MICAL3: variants seen among roughly 807,000 people sequenced by gnomAD.
MICAL3 encodes microtubule associated monooxygenase, calponin and LIM domain containing 3.
In MICAL3, 62 loss-of-function variants were observed where a neutral mutation model predicts 207.4. The ratio of observed to expected loss-of-function variants is 0.30; its 90% confidence interval spans 0.24 to 0.37. The LOEUF (loss-of-function observed/expected upper bound fraction) is 0.37. MICAL3 is among the 10% of genes least tolerant of loss of function. The pLI is 1.00. For missense variants in MICAL3, 2,368 were observed against 2,635.6 expected, an observed-to-expected ratio of 0.90 and a Z score of 2.22; for synonymous variants, 1,077 against 1,069.3, an observed-to-expected ratio of 1.01 and a Z score of -0.14.
At chr22:17,870,881 C>G (rs2146163516) in intron 17 of MICAL3, among the ~76,000 whole-genome samples, 1 of 152,328 alleles carries the variant, frequency 6.6e-6, no homozygotes, top group Middle Eastern at 3.4e-3. Flanking sequence ...TTCCTTGCTC[C>G]TTCTAACAGA....
At chr22:17,990,145 G>A (rs1286568982) in intron 1 of MICAL3, among the ~76,000 whole-genome samples, 2 of 152,224 alleles carry the variant, frequency 1.3e-5, no homozygotes, top group Non-Finnish European at 1.5e-5. Flanking sequence ...GGGATCAGGA[G>A]TGAGCTAGAG....
At position 17,885,916 on chromosome 22, in the gene MICAL3, C is replaced by T; in HGVS notation, c.2203G>A (p.Glu735Lys). The T allele has an allele frequency of 1.2e-6, 2 of 1,614,026 alleles. No homozygotes were observed. The highest frequency in any genetic ancestry group is 1.7e-6 in the Non-Finnish European group (2 of 1,179,906). The change falls in exon 16 of 32, where the codon GAG becomes AAG. Residue 735 changes from glutamate to lysine, a missense_variant. Coordinates refer to ENST00000441493, the MANE Select transcript of MICAL3 (RefSeq NM_015241.3). The stretch of plus-strand genomic sequence containing the variant: ...CCGATGGACTGTGCGGGCGCATTCT[C>T]TTCAAATTTGGCCAGCAGCTGGGTC... The part of the protein sequence containing the change: ...MATQLLAKFE[E>K]NAPAQSIGIR...
intron 20 of MICAL3, among the ~76,000 whole-genome samples, chr22:17,838,521 C>T (rs1453338614): frequency 1.3e-5 from 2 of 152,164 alleles, no homozygotes; most frequent in Admixed American, 1.3e-4. Context: ...GTGCTTTATA[C>T]GACTTAATCC....
rs376494671 is a variant in MICAL3, at chr22:17,841,849, G to A, written c.2774C>T (p.Thr925Met). The A allele has an allele frequency of 2.7e-5, 42 of 1,560,662 alleles. No homozygotes were observed. In the Middle Eastern group the frequency reaches 3.4e-3, roughly 126 times the overall value. Residue 925 changes from threonine to methionine, a missense_variant, in exon 20 of 32, where the codon ACG becomes ATG. Coordinates refer to ENST00000441493, the MANE Select transcript of MICAL3 (RefSeq NM_015241.3). The surrounding 1 kb of genome is among the most constrained non-coding windows in gnomAD (Gnocchi z 4.2). ...GCTGGCGACGTCCTCCTCGGCGCCC[G>A]TGTCCAGCACGCTGCTCAGGTTGTG... ...AEHNLSSVLD[T>M]GAEEDVASSS...
chr22:17,860,684 C>T (rs1926426320), intron 19 of MICAL3: 1 of 985,338 alleles, frequency 1.0e-6, no homozygotes, highest in South Asian at 4.7e-5. Flanking sequence ...GCCCGGCTCT[C>T]CGTGGTGTCC....
At chr22:18,002,413 T>C (rs1923097718) in intron 1 of MICAL3, among the ~76,000 whole-genome samples, 1 of 151,742 alleles carries the variant, frequency 6.6e-6, no homozygotes, top group Non-Finnish European at 1.5e-5. Context: ...GGCGAGCAGA[T>C]CACAAGGTCA....
intron 1 of MICAL3, among the ~76,000 whole-genome samples, chr22:18,020,913 CAAATAAATAAATAAAT>C (rs200685200): frequency 0.054 from 7,274 of 134,228 alleles, 211 homozygotes; most frequent in African/African-American, 0.076. Flanking sequence ...GACCCTGTCT[CAAATAAATAAATAAAT>C]AAATAAATAA....
In MICAL3 at chr22:17,950,172, T is replaced by G. The variant is rs12484440; in HGVS notation, c.-74-43286A>C. Among the ~76,000 whole-genome samples the G allele has an allele frequency of 4.9e-3, 749 of 151,628 alleles. 18 individuals carry two copies. Among genetic ancestry groups the G allele is most frequent in the East Asian group, 0.043 (223 of 5,150 alleles). ...TCACAGGGTACAGCTGTCTATTTTT[T>G]TTTTTGGAGACAAGAGTCTCGCTCT... is the stretch of plus-strand genomic sequence containing the variant. On this transcript the variant is annotated intron_variant, in intron 1 of 31. Coordinates refer to ENST00000441493, the MANE Select transcript of MICAL3 (RefSeq NM_015241.3).
chr22:17,861,990 G>T (rs1182335486), intron 19 of MICAL3: 1 of 985,276 alleles, frequency 1.0e-6, no homozygotes, highest in African/African-American at 1.7e-5. Context: ...GAACATAAAG[G>T]AGAAGAGAGA....
At chr22:17,904,051 A>C (rs1404668351) in intron 3 of MICAL3, among the ~76,000 whole-genome samples, 1 of 152,228 alleles carries the variant, frequency 6.6e-6, no homozygotes, top group East Asian at 1.9e-4. Flanking sequence ...CTTAGAGGTG[A>C]CAAAAGAACA....
chr22:17,805,274 A>T (rs11913358), intron 29 of MICAL3, among the ~76,000 whole-genome samples: 1 of 152,254 alleles, frequency 6.6e-6, no homozygotes, highest in African/African-American at 2.4e-5. Flanking sequence ...AACGGGACGC[A>T]GAAGCAGGAG....
intron 1 of MICAL3, among the ~76,000 whole-genome samples, chr22:17,936,611 A>G (rs1400395892): frequency 6.6e-6 from 1 of 151,554 alleles, no homozygotes; most frequent in Non-Finnish European, 1.5e-5. Context: ...AGATAACAGA[A>G]AGAGTTTATA....
intron 21 of MICAL3, 112 bp downstream of exon 21, chr22:17,831,742 G>A (rs1165964121): frequency 1.4e-5 from 20 of 1,474,768 alleles, no homozygotes; most frequent in Non-Finnish European, 1.7e-5. Context: ...TCCCTGGGCT[G>A]TGCAGGAGGC....
rs1933968995 is a variant in MICAL3 at position 17,944,586 on chromosome 22, A to G, written c.-74-37700T>C. ...CATTCCATGCAAAGTTTCGGTGTGC[A>G]GGCCTCCTGAGAACCCAGCAGTGCC... is the stretch of plus-strand genomic sequence containing the variant. On this transcript the variant is annotated intron_variant, in intron 1 of 31. Coordinates refer to ENST00000441493, the MANE Select transcript of MICAL3 (RefSeq NM_015241.3). Among the ~76,000 whole-genome samples the G allele has an allele frequency of 2.0e-5, 3 of 152,300 alleles. No homozygotes were observed. The South Asian group carries it at 6.2e-4, about 32-fold the overall frequency.
intron 21 of MICAL3, among the ~76,000 whole-genome samples, chr22:17,829,283 C>T (rs572445507): frequency 5.9e-5 from 9 of 152,156 alleles, no homozygotes; most frequent in African/African-American, 2.2e-4. Context: ...TCTCCTGCCT[C>T]AGCCTCCCAA....
chr22:17,966,122 C>T (rs1935129338), intron 1 of MICAL3, among the ~76,000 whole-genome samples: 1 of 152,178 alleles, frequency 6.6e-6, no homozygotes. Context: ...TCAGACAGAA[C>T]CCTCATCCTG....
chr22:17,827,589 G>A, intron 22 of MICAL3, 55 bp downstream of exon 22: 1 of 1,494,936 alleles, frequency 6.7e-7, no homozygotes, highest in Non-Finnish European at 9.0e-7. Flanking sequence ...GGCGACAGAG[G>A]CAGCAGGCGG....
chr22:17,803,076 AC>A (rs2061955939), intron 29 of MICAL3, among the ~76,000 whole-genome samples: 1 of 152,174 alleles, frequency 6.6e-6, no homozygotes, highest in Non-Finnish European at 1.5e-5. Context: ...ACCAGGCCTC[AC>A]CCCAGAGTTT....
chr22:17,865,490 G>A lies in MICAL3; in HGVS notation c.2517+434C>T, dbSNP rs370561537. 1.8e-4 allele frequency among the ~76,000 whole-genome samples: 28 copies of A among 152,328 alleles called. No individual in the cohort carries two copies. The East Asian group carries it at 2.9e-3, about 16-fold the overall frequency. ...TAGTGAAAGGCCCCGCAGGCAGGGC[G>A]CCCTTTGGGTGTGGGGAGTGAGGGT... On this transcript the variant is annotated intron_variant, in intron 18 of 31. Coordinates refer to ENST00000441493, the MANE Select transcript of MICAL3 (RefSeq NM_015241.3).
Sources: gnomAD v4.1 joint callset for allele counts (sites outside exome capture counted in the v4.1 genomes callset) on GRCh38, gnomAD v4.1.1 for gene constraint, Gnocchi (gnomAD v3.1) non-coding constraint, MANE v1.5 for transcripts, NCBI Gene and HGNC (gene_info 2026-07-23, HGNC 2026-07-21) for gene names.